IQCH: variants seen among roughly 807,000 people sequenced by gnomAD.
The protein encoded by IQCH is IQ motif containing H.
Under a neutral mutation model 117.0 loss-of-function variants are expected in IQCH, and 98 were observed. The ratio of observed to expected loss-of-function variants is 0.84; its 90% CI spans 0.71 to 0.99. IQCH has a LOEUF of 0.99. IQCH is among the 50% of genes least tolerant of loss of function. The pLI is 0.00. For missense variants in IQCH, 1,102 were observed against 1,243.8 expected (o/e 0.89, Z 1.72); for synonymous variants, 412 against 448.2 (o/e 0.92, Z 1.02).
At position 67,493,455 on chromosome 15, in the gene IQCH, G is replaced by A. The variant is rs1043487029; in HGVS notation, c.2862-803G>A. 3.9e-5 allele frequency among the ~76,000 whole-genome samples: 6 copies of A among 152,226 alleles called. No individual in the cohort carries two copies. The highest frequency in any genetic ancestry group is 4.1e-4 in the South Asian group (2 of 4,820). On this transcript the variant is annotated intron_variant, in intron 19 of 20. Transcript: ENST00000335894. The surrounding 1 kb of genome is among the most constrained non-coding windows in gnomAD (Gnocchi z 5.1). ...AGTGGATGTTCAGGTTTATAAAGAC[G>A]GCTGTTCATGAACAGGGCACATTCT... is the stretch of plus-strand genomic sequence containing the variant.
At chr15:67,478,016 G>A (rs897958590) in intron 18 of IQCH, among the ~76,000 whole-genome samples, 6 of 152,202 alleles carry the variant, frequency 3.9e-5, no homozygotes, top group South Asian at 2.1e-4. Context: ...GGCTAACGCC[G>A]AGGGAAGCAG....
chr15:67,495,224 A>G (rs1167907276), intron 20 of IQCH, among the ~76,000 whole-genome samples: 1 of 152,142 alleles, frequency 6.6e-6, no homozygotes, highest in Non-Finnish European at 1.5e-5. Flanking sequence ...AACAGTAACA[A>G]TAACAATGTG....
In IQCH at chr15:67,428,764, G is replaced by A. The variant is rs543020704; in HGVS notation, c.2505+7187G>A. Among the ~76,000 whole-genome samples the A allele has an allele frequency of 9.9e-4, 150 of 151,530 alleles. 1 individual carries two copies. The highest frequency in any genetic ancestry group is 6.8e-3 in the Middle Eastern group (2 of 292). On this transcript the variant is annotated intron_variant, in intron 16 of 20. Transcript: ENST00000335894. ...CTCAGGAGGCTGAGGCAGGAGAATC[G>A]CTTGAACCCGGGTGGTGGAGGTTGC...
In IQCH at chr15:67,501,371, C is replaced by G. The variant is rs990069936; in HGVS notation, c.*625C>G. The stretch of plus-strand genomic sequence containing the variant: ...AGTTAACCAAAGCATCAGAATGTAT[C>G]TAGGTGGCAGTATCTGCTCTTAGTT... On this transcript the variant is annotated 3_prime_UTR_variant, in exon 21 of 21. Transcript: ENST00000335894. This position sits in a 1 kb window ranked among gnomAD's most constrained non-coding sequence, Gnocchi z 5.2. 2 of 152,182 alleles carry G rather than the reference C, an allele frequency of 1.3e-5. No homozygotes were observed. Among genetic ancestry groups the G allele is most frequent in the African/African-American group, 4.8e-5 (2 of 41,448 alleles). The allele number at this position is 152,182 out of a possible 1,614,324, so 9.4% of individuals were successfully genotyped here. A position where few individuals can be genotyped will look rare whatever the true frequency, so the allele number is the denominator to read the frequency against.
intron 14 of IQCH, among the ~76,000 whole-genome samples, chr15:67,400,920 C>T (rs1971635468): frequency 6.6e-6 from 1 of 151,964 alleles, no homozygotes. Context: ...ATAATTTGCC[C>T]TAAGTGGTTC....
intron 4 of IQCH, among the ~76,000 whole-genome samples, chr15:67,303,691 C>T (rs1480379609): frequency 6.6e-6 from 1 of 151,986 alleles, no homozygotes; most frequent in Admixed American, 6.6e-5. Context: ...TATCTAGTGC[C>T]CCTTGCCACC....
In IQCH at chr15:67,433,703, GT is replaced by G. The variant is rs2082065907; in HGVS notation, c.2505+12127del. Among the ~76,000 whole-genome samples, 1 of 152,186 alleles carries G rather than the reference GT, an allele frequency of 6.6e-6. No homozygotes were observed. The highest frequency in any genetic ancestry group is 2.4e-5 in the African/African-American group (1 of 41,452). On this transcript the variant is annotated intron_variant, in intron 16 of 20. Transcript: ENST00000335894. The surrounding 1 kb of genome is among the most constrained non-coding windows in gnomAD (Gnocchi z 5.4). ...CTGGACACTCACACTGCACCCTGCTGTCTCCAGCAGGTACTACATTTCTGCA... is the reference window on the plus strand; with the variant it reads ...CTGGACACTCACACTGCACCCTGCTGCTCCAGCAGGTACTACATTTCTGCA...
rs1971086814 is a variant in IQCH, at chr15:67,385,687, C to T, written c.1456+668C>T. On this transcript the variant is annotated intron_variant, in intron 11 of 20. Transcript: ENST00000335894. This position sits in a 1 kb window ranked among gnomAD's most constrained non-coding sequence, Gnocchi z 4.6. ...GCTTTGGTTGACACTGTTCAAGGCC[C>T]GGGTTCCGATTAGGCTCTAAGAATA... is the stretch of plus-strand genomic sequence containing the variant. Among the ~76,000 whole-genome samples, 1 of 151,990 alleles carries T rather than the reference C, an allele frequency of 6.6e-6. No homozygotes were observed. Among genetic ancestry groups the T allele is most frequent in the Non-Finnish European group, 1.5e-5 (1 of 68,016 alleles).
intron 3 of IQCH, among the ~76,000 whole-genome samples, chr15:67,275,889 AAT>A (rs751468755): frequency 2.0e-5 from 3 of 152,316 alleles, no homozygotes; most frequent in Non-Finnish European, 2.9e-5. Context: ...CAAATAAATA[AAT>A]ATGTTTAAAT....
chr15:67,422,813 G>A lies in IQCH; in HGVS notation c.2505+1236G>A, dbSNP rs577667839. Among the ~76,000 whole-genome samples, 225 of 152,096 alleles carry A rather than the reference G, an allele frequency of 1.5e-3. 1 individual carries two copies. Among genetic ancestry groups the A allele is most frequent in the Non-Finnish European group, 2.5e-3 (167 of 68,024 alleles). On this transcript the variant is annotated intron_variant, in intron 16 of 20. Coordinates refer to ENST00000335894, the MANE Select transcript of IQCH (RefSeq NM_001031715.3). The surrounding 1 kb of genome is among the most constrained non-coding windows in gnomAD (Gnocchi z 4.7). ...GTTAAAGTTCACTACTATTTCACAGGACTCGTGTTTTAAAATGTCCGGTTG... is the reference window on the plus strand; with the variant it reads ...GTTAAAGTTCACTACTATTTCACAGAACTCGTGTTTTAAAATGTCCGGTTG...
intron 3 of IQCH, among the ~76,000 whole-genome samples, chr15:67,270,900 T>C (rs1483490599): frequency 1.3e-5 from 2 of 152,192 alleles, no homozygotes; most frequent in Admixed American, 6.5e-5. Context: ...GATCATATGG[T>C]TTTTTGTTCT....
intron 1 of IQCH, 163 bp downstream of exon 1, chr15:67,255,110 C>A (rs1965091204): frequency 1.5e-6 from 1 of 679,332 alleles, no homozygotes; most frequent in Non-Finnish European, 2.7e-6. Context: ...CCTTCCCCCA[C>A]GGCCCAGCAC....
rs551732572 is a variant in IQCH at position 67,390,105 on chromosome 15, A to G, written c.1632+1099A>G. ...TGGCACTTCTGACTGTGAAAGAGGA[A>G]GGTAAGGACAGGGGCTGGGGAAGCA... On this transcript the variant is annotated intron_variant, in intron 12 of 20. Transcript: ENST00000335894. This position sits in a 1 kb window ranked among gnomAD's most constrained non-coding sequence, Gnocchi z 5.0. Among the ~76,000 whole-genome samples, 7 of 152,262 alleles carry G rather than the reference A, an allele frequency of 4.6e-5. No individual in the cohort carries two copies. Among genetic ancestry groups the G allele is most frequent in the Non-Finnish European group, 1.0e-4 (7 of 67,998 alleles).
chr15:67,344,243 T>G, intron 6 of IQCH, 52 bp downstream of exon 6: 12 of 1,578,052 alleles, frequency 7.6e-6, no homozygotes, highest in African/African-American at 1.3e-5. Flanking sequence ...AAATTATCTC[T>G]GCCCCAGATC....
Position 67,379,909 on chromosome 15 carries a change from A to G in IQCH, c.1373-5027A>G, listed in dbSNP as rs552008339. Among the ~76,000 whole-genome samples, 13 of 152,044 alleles carry G rather than the reference A, an allele frequency of 8.6e-5. No individual in the cohort carries two copies. In the South Asian group the frequency reaches 2.7e-3, roughly 32 times the overall value. On this transcript the variant is annotated intron_variant, in intron 10 of 20. Coordinates refer to ENST00000335894, the MANE Select transcript of IQCH (RefSeq NM_001031715.3). ...CTCTTGTTGCCCAGGCTGGAGTGCA[A>G]TGGTGCAATCTCAGCTCACCGCAAC...
chr15:67,471,530 CTGCCCAAG>C (rs1162425937), intron 17 of IQCH, among the ~76,000 whole-genome samples: 3 of 152,134 alleles, frequency 2.0e-5, no homozygotes, highest in African/African-American at 7.2e-5. Flanking sequence ...GTTAAGTGAG[CTGCCCAAG>C]TCATAAAGGT....
chr15:67,451,795 C>G (rs191685208), intron 16 of IQCH, among the ~76,000 whole-genome samples: 3 of 152,080 alleles, frequency 2.0e-5, no homozygotes, highest in East Asian at 3.9e-4. Flanking sequence ...CTTTCTGTCT[C>G]GTCGATCTGT....
chr15:67,373,677 C>T (rs1378167805), intron 10 of IQCH: 12 of 597,738 alleles, frequency 2.0e-5, no homozygotes, highest in Non-Finnish European at 3.3e-5. Context: ...TGCTGTAATT[C>T]GCTTTCATCT....
Position 67,494,831 on chromosome 15 carries a change from T to G in IQCH, c.2970+465T>G, listed in dbSNP as rs2083762156. On this transcript the variant is annotated intron_variant, in intron 20 of 20. Transcript: ENST00000335894. This position sits in a 1 kb window ranked among gnomAD's most constrained non-coding sequence, Gnocchi z 5.5. Reference sequence around the variant, plus strand: ...TTAGGGAGAAGCAGAAAATATAGCATGTATGTGGGCCATCTACCCCACCCG... The same window carrying G: ...TTAGGGAGAAGCAGAAAATATAGCAGGTATGTGGGCCATCTACCCCACCCG... Among the ~76,000 whole-genome samples, 1 of 152,172 alleles carries G rather than the reference T, an allele frequency of 6.6e-6. No individual in the cohort carries two copies. Among genetic ancestry groups the G allele is most frequent in the Non-Finnish European group, 1.5e-5 (1 of 68,026 alleles).
Sources: allele counts gnomAD v4.1 joint callset (sites outside exome capture counted in the v4.1 genomes callset), GRCh38; gene constraint gnomAD v4.1.1; non-coding constraint Gnocchi (gnomAD v3.1); transcripts MANE v1.5; gene names NCBI Gene and HGNC (gene_info 2026-07-23, HGNC 2026-07-21).